The following CCNC variants were observed in gnomAD, a reference collection of about 807,000 sequenced individuals.
CCNC encodes cyclin C.
A neutral mutation model predicts 50.0 loss-of-function variants in CCNC; 19 were observed. The observed-to-expected ratio is 0.38, with a 90% CI of 0.27 to 0.56. CCNC has a LOEUF of 0.56. Among genes scored for constraint, CCNC ranks in the 20% least tolerant of loss-of-function variants. The pLI is 0.72. For synonymous variants in CCNC, 93 were observed against 103.7 expected (o/e 0.90, Z 0.63); for missense variants, 200 against 327.1 (o/e 0.61, Z 3.00).
intron 1 of CCNC, 96 bp downstream of exon 1, chr6:99,568,400 A>T: frequency 8.0e-7 from 1 of 1,246,930 alleles, no homozygotes; most frequent in Non-Finnish European, 1.2e-6. Context: ...CGGCACTCGG[A>T]ACTGAGCTGG....
chr6:99,544,254 G>GAGAAT, intron 11 of CCNC: 1 of 1,534,990 alleles, frequency 6.5e-7, no homozygotes, highest in Non-Finnish European at 8.7e-7. Flanking sequence ...GCCACTAGTG[G>GAGAAT]AGAATCACTC....
At chr6:99,564,422 C>CAAAAAAAAAAAAAAAA (rs11345511) in intron 1 of CCNC, among the ~76,000 whole-genome samples, 1 of 97,184 alleles carries the variant, frequency 1.0e-5, no homozygotes, top group Non-Finnish European at 2.0e-5. Context: ...GAGACTCTGT[C>CAAAAAAAAAAAAAAAA]AAAAAAAAAA....
chr6:99,557,421 G>A (rs62432350), intron 5 of CCNC: 21,798 of 151,968 alleles, frequency 0.14, 1,835 homozygotes, highest in Middle Eastern at 0.24. Context: ...ACCAATATAT[G>A]TCCCCCTCCA....
intron 9 of CCNC, among the ~76,000 whole-genome samples, chr6:99,549,042 C>A (rs965115039): frequency 6.6e-6 from 1 of 152,088 alleles, no homozygotes; most frequent in African/African-American, 2.4e-5. Context: ...TCTGACTCCA[C>A]CCATTACAGC....
At chr6:99,545,312 C>A (rs330806) in intron 10 of CCNC, 82 bp from the exon 11 acceptor site, 280,715 of 705,332 alleles carry the variant, frequency 0.4, 56,743 homozygotes, top group South Asian at 0.49. Flanking sequence ...ACTACACAAC[C>A]CTCAGAAAAC....
At chr6:99,555,688 T>G (rs930629936) in intron 5 of CCNC, among the ~76,000 whole-genome samples, 9 of 152,126 alleles carry the variant, frequency 5.9e-5, no homozygotes, top group African/African-American at 2.2e-4. Context: ...GCAATCCTCC[T>G]GCTCCAGCCT....
At chr6:99,547,349 A>T (rs899413564) in intron 9 of CCNC, among the ~76,000 whole-genome samples, 3 of 152,178 alleles carry the variant, frequency 2.0e-5, no homozygotes, top group African/African-American at 7.2e-5. Flanking sequence ...GGAAATTAAA[A>T]TACAGTGGAC....
chr6:99,553,537 TATACAC>T (rs1232312904), intron 5 of CCNC, among the ~76,000 whole-genome samples: 1 of 152,234 alleles, frequency 6.6e-6, no homozygotes, highest in African/African-American at 2.4e-5. Flanking sequence ...TCTTACCACT[TATACAC>T]TTATTATCAT....
rs142071117 is a variant in CCNC at position 99,551,717 on chromosome 6, G to A, written c.402+123C>T. ...CTATTTAGCTTTAATTTAGAATAATGTCTGTATTTATGTAATATTTGAAAC... is the reference window on the plus strand; with the variant it reads ...CTATTTAGCTTTAATTTAGAATAATATCTGTATTTATGTAATATTTGAAAC... On this transcript the variant is annotated intron_variant, in intron 6 of 11. Transcript: ENST00000520429. The A allele has an allele frequency of 3.8e-4, 202 of 528,314 alleles. 2 individuals are homozygous for A. Among genetic ancestry groups the A allele is most frequent in the African/African-American group, 3.6e-3 (180 of 49,936 alleles). The allele number at this position is 528,314 out of a possible 1,614,324, so 32.7% of individuals were successfully genotyped here.
rs763638199 is a variant in CCNC at position 99,561,643 on chromosome 6, G to C, written c.178C>G (p.Gln60Glu). ...ALGEHLKLRQ[Q>E]VIATATVYFK... ...TATACCGTAGCAGTGGCAATAACTT[G>C]TTGTCTTAATTTAAGATGTTCACCT... Residue 60 changes from glutamine to glutamate, a missense_variant, in exon 3 of 12, where the codon CAA (glutamine) becomes GAA (glutamate). Gln to Glu is a conservative substitution (Grantham distance 29). Transcript: ENST00000520429. The C allele has an allele frequency of 1.2e-6, 2 of 1,610,406 alleles. No individual in the cohort carries two copies. Among genetic ancestry groups the C allele is most frequent in the Non-Finnish European group, 1.7e-6 (2 of 1,177,338 alleles).
At chr6:99,553,467 T>C (rs187657187) in intron 5 of CCNC, among the ~76,000 whole-genome samples, 49 of 152,348 alleles carry the variant, frequency 3.2e-4, no homozygotes, top group Non-Finnish European at 1.0e-4. Flanking sequence ...CATTTTTTTC[T>C]GTCTTTTAAT....
At chr6:99,549,441 T>G in intron 9 of CCNC, 67 bp downstream of exon 9, 1 of 1,050,332 alleles carries the variant, frequency 9.5e-7, no homozygotes, top group Non-Finnish European at 1.5e-6. Flanking sequence ...AGGGTGAAAT[T>G]TAGTTTAGGA....
chr6:99,559,008 A>G (rs1252110822), intron 4 of CCNC, among the ~76,000 whole-genome samples: 2 of 152,172 alleles, frequency 1.3e-5, no homozygotes, highest in African/African-American at 4.8e-5. Flanking sequence ...TTAAGGTTAC[A>G]GTGTCAGTTT....
Position 99,543,258 on chromosome 6 carries a change from A to G in CCNC, c.*297T>C. On this transcript the variant is annotated 3_prime_UTR_variant, in exon 12 of 12. Coordinates refer to ENST00000520429, the MANE Select transcript of CCNC (RefSeq NM_005190.4). ...GGCTTAATAAAAAGCTACAATTTTT[A>G]TTATCCAAATTAAGAAATATTATAC... is the stretch of plus-strand genomic sequence containing the variant. 4.8e-6 allele frequency: 1 copy of G among 208,810 alleles called. No homozygotes were observed. 12.9% of individuals were successfully genotyped at this position (208,810 alleles called of 1,614,324 possible).
At chr6:99,558,389 A>C (rs1322938642) in intron 5 of CCNC, 108 bp downstream of exon 5, 1 of 1,500,444 alleles carries the variant, frequency 6.7e-7, no homozygotes, top group South Asian at 1.4e-5. Flanking sequence ...AAATTTAATA[A>C]AGCCAACCAA....
At chr6:99,546,557 CTGTG>C in intron 9 of CCNC, 83 bp from the exon 10 acceptor site, 1 of 892,354 alleles carries the variant, frequency 1.1e-6, no homozygotes, top group South Asian at 1.4e-5. Flanking sequence ...TCACTATTTC[CTGTG>C]TATTTTCCAA....
chr6:99,561,731 A>C (rs771104493), intron 2 of CCNC, 50 bp from the exon 3 acceptor site: 3 of 1,121,214 alleles, frequency 2.7e-6, no homozygotes, highest in Non-Finnish European at 4.1e-6. Flanking sequence ...TATCATTATA[A>C]TATTAACATT....
intron 9 of CCNC, among the ~76,000 whole-genome samples, chr6:99,546,694 G>C (rs919338803): frequency 1.3e-5 from 2 of 152,116 alleles, no homozygotes; most frequent in Non-Finnish European, 2.9e-5. Context: ...TCCTCACTGC[G>C]TGCTAGTCAT....
chr6:99,552,025 C>T (rs1029910667), intron 5 of CCNC, 130 bp from the exon 6 acceptor site: 19 of 496,792 alleles, frequency 3.8e-5, no homozygotes, highest in South Asian at 2.3e-4. Context: ...GCAACACTTA[C>T]GGACGCAGAT....
Sources: allele counts gnomAD v4.1 joint callset (sites outside exome capture counted in the v4.1 genomes callset), GRCh38; gene constraint gnomAD v4.1.1; transcripts MANE v1.5; gene names NCBI Gene and HGNC (gene_info 2026-07-23, HGNC 2026-07-21).